MSR1: variants seen among roughly 807,000 people sequenced by gnomAD.
The protein encoded by MSR1 is macrophage scavenger receptor 1, also known as macrophage scavenger receptor types I and II.
In MSR1, 53 loss-of-function variants were observed where a neutral mutation model predicts 47.2. The observed-to-expected ratio is 1.12, with a 90% CI of 0.90 to 1.41. The LOEUF is 1.41. Ranked by LOEUF, MSR1 falls within the 40% of genes most tolerant of loss-of-function variation. The probability of loss-of-function intolerance (pLI) is 0.00; values close to 1 mark genes in which losing one functional copy is unlikely to be tolerated. For missense variants in MSR1, 786 were observed against 546.9 expected, an observed-to-expected ratio of 1.44 and a Z score of -4.36; for synonymous variants, 239 against 185.6, an observed-to-expected ratio of 1.29 and a Z score of -2.34.
At chr8:16,148,242 T>TG (rs1167695527) in intron 7 of MSR1, among the ~76,000 whole-genome samples, 1 of 152,110 alleles carries the variant, frequency 6.6e-6, no homozygotes, top group East Asian at 1.9e-4. Flanking sequence ...GCATTTTTTT[T>TG]CTGTATCCAG....
chr8:16,190,492 G>T (rs1802166733), intron 1 of MSR1, among the ~76,000 whole-genome samples: 2 of 151,876 alleles, frequency 1.3e-5, no homozygotes, highest in Admixed American at 6.6e-5. Context: ...TATTATTAAT[G>T]TAAGAGAGAG....
At chr8:16,154,067 T>A (rs1294309366) in intron 6 of MSR1, among the ~76,000 whole-genome samples, 4 of 151,618 alleles carry the variant, frequency 2.6e-5, no homozygotes, top group African/African-American at 9.7e-5. Context: ...CATATATATT[T>A]ATATACATAT....
chr8:16,149,463 A>C (rs1230948874), intron 7 of MSR1, among the ~76,000 whole-genome samples: 1 of 151,992 alleles, frequency 6.6e-6, no homozygotes, highest in Non-Finnish European at 1.5e-5. Context: ...TCCTGAGCTA[A>C]GCAATCCTCC....
intron 6 of MSR1, among the ~76,000 whole-genome samples, chr8:16,151,483 A>C (rs1800857438): frequency 6.6e-6 from 1 of 152,136 alleles, no homozygotes. Flanking sequence ...ATGGTTCAAA[A>C]TGTAGTCCCC....
At chr8:16,119,930 G>A (rs655470) in intron 9 of MSR1, among the ~76,000 whole-genome samples, 6,148 of 146,208 alleles carry the variant, frequency 0.042, 439 homozygotes, top group African/African-American at 0.15. Context: ...TGTCCACGCT[G>A]GTCTTGAACT....
chr8:16,164,060 T>A lies in MSR1; in HGVS notation c.817+5A>T. Reference sequence around the variant, plus strand: ...ATTTTCTGGAGAAATGACAAGACATTTTACCTTGAATTAAAGTGATATTTC... The same window carrying A: ...ATTTTCTGGAGAAATGACAAGACATATTACCTTGAATTAAAGTGATATTTC... On this transcript the variant is annotated splice_donor_5th_base_variant and intron_variant, in intron 5 of 9. Transcript: ENST00000262101. The A allele has an allele frequency of 6.2e-7, 1 of 1,602,124 alleles. No homozygotes were observed. The highest frequency in any genetic ancestry group is 8.5e-7 in the Non-Finnish European group (1 of 1,171,734).
intron 8 of MSR1, among the ~76,000 whole-genome samples, chr8:16,135,460 G>C (rs1455277949): frequency 6.6e-6 from 1 of 151,864 alleles, no homozygotes; most frequent in Non-Finnish European, 1.5e-5. Flanking sequence ...TTATTGCTGA[G>C]AAAAAAAATC....
At chr8:16,133,481 C>A (rs1234673501) in intron 8 of MSR1, among the ~76,000 whole-genome samples, 1 of 152,058 alleles carries the variant, frequency 6.6e-6, no homozygotes, top group East Asian at 1.9e-4. Context: ...TGGAGACTCC[C>A]TGGAGAAGCT....
At chr8:16,123,046 C>T (rs1410601752) in intron 8 of MSR1, among the ~76,000 whole-genome samples, 1 of 151,730 alleles carries the variant, frequency 6.6e-6, no homozygotes, top group Non-Finnish European at 1.5e-5. Context: ...GGGGTTTCAC[C>T]GTGTTAGCCA....
At chr8:16,179,890 A>AG (rs1426736205) in intron 1 of MSR1, among the ~76,000 whole-genome samples, 2 of 150,996 alleles carry the variant, frequency 1.3e-5, no homozygotes, top group Non-Finnish European at 3.0e-5. Context: ...AAAAAAAAAA[A>AG]AAAAAAAAAA....
At chr8:16,158,908 T>A (rs900094207) in intron 5 of MSR1, among the ~76,000 whole-genome samples, 3 of 150,750 alleles carry the variant, frequency 2.0e-5, no homozygotes, top group African/African-American at 7.3e-5. Flanking sequence ...AAACTCACAA[T>A]TCAGTTTTTT....
In MSR1 at chr8:16,154,557, C is replaced by G. The variant is rs34920435; in HGVS notation, c.898+507G>C. Among the ~76,000 whole-genome samples, 1,320 of 152,000 alleles carry G rather than the reference C, an allele frequency of 8.7e-3. 23 individuals carry two copies. Among genetic ancestry groups the G allele is most frequent in the African/African-American group, 0.03 (1,263 of 41,486 alleles). ...TACATTCAGATTTCATTAGTTTAAA[C>G]AGATATATTCCAAATACTATATAAG... On this transcript the variant is annotated intron_variant, in intron 6 of 9. Coordinates refer to ENST00000262101, the MANE Select transcript of MSR1 (RefSeq NM_138715.3).
chr8:16,163,376 A>C (rs1298006992), intron 5 of MSR1, among the ~76,000 whole-genome samples: 1 of 151,870 alleles, frequency 6.6e-6, no homozygotes, highest in Non-Finnish European at 1.5e-5. Context: ...AACAGGCAAA[A>C]GGTTGCAATC....
intron 7 of MSR1, among the ~76,000 whole-genome samples, chr8:16,144,557 A>C (rs528521535): frequency 2.0e-5 from 3 of 152,160 alleles, no homozygotes; most frequent in African/African-American, 7.2e-5. Context: ...CTTCAAAATA[A>C]TAATAGTAAT....
intron 7 of MSR1, among the ~76,000 whole-genome samples, chr8:16,143,919 G>A (rs1188615374): frequency 6.6e-6 from 1 of 151,940 alleles, no homozygotes; most frequent in Non-Finnish European, 1.5e-5. Context: ...CTCTTCCTTT[G>A]ACTGGGTCTT....
At chr8:16,149,938 C>T (rs1009250417) in intron 7 of MSR1, among the ~76,000 whole-genome samples, 11 of 151,022 alleles carry the variant, frequency 7.3e-5, no homozygotes, top group African/African-American at 1.7e-4. Context: ...TTTTTTTAAA[C>T]GATTTTCCTT....
intron 1 of MSR1, among the ~76,000 whole-genome samples, chr8:16,184,705 AAT>A (rs1257323211): frequency 1.3e-5 from 2 of 152,188 alleles, no homozygotes; most frequent in Non-Finnish European, 2.9e-5. Context: ...TTAGTGAGAC[AAT>A]ATATATTGTT....
intron 1 of MSR1, among the ~76,000 whole-genome samples, chr8:16,189,915 C>CT (rs760309231): frequency 0.067 from 7,966 of 119,056 alleles, 548 homozygotes; most frequent in East Asian, 0.29. Flanking sequence ...TAAATATTTC[C>CT]TTTTTTTTTT....
chr8:16,173,051 T>C (rs1312767208), intron 3 of MSR1, among the ~76,000 whole-genome samples: 2 of 152,198 alleles, frequency 1.3e-5, no homozygotes, highest in African/African-American at 4.8e-5. Flanking sequence ...ATAATAAACA[T>C]AGTGAGGCCT....
Sources: allele counts gnomAD v4.1 joint callset (sites outside exome capture counted in the v4.1 genomes callset), GRCh38; gene constraint gnomAD v4.1.1; transcripts MANE v1.5; gene names NCBI Gene and HGNC (gene_info 2026-07-23, HGNC 2026-07-21).